HMGA2: variants seen among roughly 807,000 people sequenced by gnomAD.
HMGA2 encodes the protein high mobility group AT-hook 2.
A neutral mutation model predicts 19.1 loss-of-function variants in HMGA2; 8 were observed. The observed-to-expected ratio is 0.42, with a 90% CI of 0.25 to 0.76. The LOEUF (loss-of-function observed/expected upper bound fraction) is 0.76. Ranked by LOEUF, HMGA2 falls within the 30% of genes least tolerant of loss-of-function variation. The pLI, the probability that HMGA2 is intolerant of heterozygous loss-of-function variation, is 0.28. For synonymous variants in HMGA2, 60 were observed against 48.8 expected (o/e 1.23, Z -0.96); for missense variants, 109 against 136.3 (o/e 0.80, Z 1.00).
intron 3 of HMGA2, among the ~76,000 whole-genome samples, chr12:65,933,914 C>G (rs1875804561): frequency 6.6e-6 from 1 of 152,132 alleles, no homozygotes; most frequent in Non-Finnish European, 1.5e-5. Context: ...CCAATTTTAT[C>G]ACTAATATAG....
chr12:65,949,813 G>A (rs1876394186), intron 3 of HMGA2, among the ~76,000 whole-genome samples: 1 of 152,094 alleles, frequency 6.6e-6, no homozygotes, highest in Admixed American at 6.6e-5. Flanking sequence ...AATCATAAGG[G>A]ACTTGAATGC....
intron 3 of HMGA2, among the ~76,000 whole-genome samples, chr12:65,875,225 CT>C (rs1482188550): frequency 6.6e-6 from 1 of 152,158 alleles, no homozygotes; most frequent in African/African-American, 2.4e-5. Flanking sequence ...CTTTGCTTGT[CT>C]TACTGGCAAT....
chr12:65,870,488 T>G (rs569185401), intron 3 of HMGA2, among the ~76,000 whole-genome samples: 50 of 152,264 alleles, frequency 3.3e-4, no homozygotes, highest in African/African-American at 1.2e-3. Flanking sequence ...CCCAGCACTT[T>G]GGGAGGCCGA....
At chr12:65,913,738 G>T (rs1408645836) in intron 3 of HMGA2, among the ~76,000 whole-genome samples, 2 of 152,170 alleles carry the variant, frequency 1.3e-5, no homozygotes, top group African/African-American at 4.8e-5. Flanking sequence ...TTCTCTGAAC[G>T]TAAGTTCCCT....
intron 3 of HMGA2, among the ~76,000 whole-genome samples, chr12:65,929,152 C>G (rs1005517979): frequency 1.3e-5 from 2 of 152,120 alleles, no homozygotes; most frequent in Admixed American, 6.6e-5. Flanking sequence ...TCTCAAAACT[C>G]CTTCCTACAT....
chr12:65,875,612 T>TTTTTTTTTTTTTTTTTTTG (rs1872966994), intron 3 of HMGA2, among the ~76,000 whole-genome samples: 1 of 122,764 alleles, frequency 8.1e-6, no homozygotes, highest in Non-Finnish European at 1.8e-5. Context: ...TTTTTTTTTT[T>TTTTTTTTTTTTTTTTTTTG]TTTTTTTTTT....
At chr12:65,926,330 C>A (rs1314818396) in intron 3 of HMGA2, among the ~76,000 whole-genome samples, 2 of 152,200 alleles carry the variant, frequency 1.3e-5, no homozygotes, top group Non-Finnish European at 2.9e-5. Context: ...GATTTATCTG[C>A]ATTTGGCAAT....
At chr12:65,951,284 T>C in intron 3 of HMGA2, 99 bp from the exon 4 acceptor site, 1 of 750,832 alleles carries the variant, frequency 1.3e-6, no homozygotes, top group South Asian at 1.8e-5. Context: ...CTTTCCTCTT[T>C]CCTTTGCAGA....
chr12:65,872,510 T>C (rs541698963), intron 3 of HMGA2, among the ~76,000 whole-genome samples: 1 of 152,320 alleles, frequency 6.6e-6, no homozygotes, highest in African/African-American at 2.4e-5. Context: ...ATTCGTAGCT[T>C]ATCTGAGTGC....
At chr12:65,935,370 A>G (rs1483885374) in intron 3 of HMGA2, among the ~76,000 whole-genome samples, 4 of 152,254 alleles carry the variant, frequency 2.6e-5, no homozygotes, top group African/African-American at 7.2e-5. Flanking sequence ...TCTATTAGTC[A>G]TCTAAGCACA....
chr12:65,951,534 A>G, intron 4 of HMGA2, 119 bp downstream of exon 4: 1 of 704,594 alleles, frequency 1.4e-6, no homozygotes, highest in Non-Finnish European at 2.5e-6. Context: ...ATCGTCCTGC[A>G]GTATTCCTGA....
intron 3 of HMGA2, chr12:65,859,918 TAAA>T (rs572396261): frequency 7.3e-4 from 161 of 219,544 alleles, no homozygotes; most frequent in South Asian, 1.2e-3. Flanking sequence ...GCCCCATCTC[TAAA>T]AAAAAAAAAA....
At chr12:65,830,128 A>T (rs555364782) in intron 2 of HMGA2, among the ~76,000 whole-genome samples, 3 of 151,978 alleles carry the variant, frequency 2.0e-5, no homozygotes, top group Admixed American at 6.6e-5. Context: ...TGCCCATAAC[A>T]TGACTTATTT....
intron 3 of HMGA2, among the ~76,000 whole-genome samples, chr12:65,879,499 T>C (rs1433679349): frequency 6.6e-6 from 1 of 152,156 alleles, no homozygotes. Context: ...TCTTCTAAAC[T>C]TCATATTTAG....
chr12:65,873,152 A>G (rs1872793893), intron 3 of HMGA2, among the ~76,000 whole-genome samples: 1 of 152,200 alleles, frequency 6.6e-6, no homozygotes, highest in Non-Finnish European at 1.5e-5. Context: ...CCCGTCTACT[A>G]TAATTATTTG....
At chr12:65,890,921 C>G (rs780840310) in intron 3 of HMGA2, among the ~76,000 whole-genome samples, 2 of 152,040 alleles carry the variant, frequency 1.3e-5, no homozygotes, top group Non-Finnish European at 2.9e-5. Context: ...CGGGGTTTCA[C>G]TGTGTCACCA....
intron 3 of HMGA2, among the ~76,000 whole-genome samples, chr12:65,931,485 T>A (rs1875708638): frequency 6.6e-6 from 1 of 152,124 alleles, no homozygotes; most frequent in African/African-American, 2.4e-5. Context: ...ATCCTTTATA[T>A]ACTTATAACT....
chr12:65,956,223 A>C (rs1825137957), intron 4 of HMGA2: 1 of 152,206 alleles, frequency 6.6e-6, no homozygotes, highest in Admixed American at 6.5e-5. Flanking sequence ...TTTCTTGCTT[A>C]TGCACTTTCA....
intron 3 of HMGA2, among the ~76,000 whole-genome samples, chr12:65,849,736 ATTTTTTTTTTTTT>A (rs34541445): frequency 2.3e-5 from 2 of 85,128 alleles, no homozygotes; most frequent in Non-Finnish European, 4.3e-5. Context: ...TAGGCTCTGT[ATTTTTTTTTTTTT>A]TTTTTTTTTT....
Sources: allele counts gnomAD v4.1 joint callset (sites outside exome capture counted in the v4.1 genomes callset), GRCh38; gene constraint gnomAD v4.1.1; transcripts MANE v1.5; gene names NCBI Gene and HGNC (gene_info 2026-07-23, HGNC 2026-07-21).